The following PCDHA3 variants were observed in gnomAD, a reference collection of about 807,000 sequenced individuals.
PCDHA3 encodes the protein protocadherin alpha 3, also known as protocadherin alpha-3.
Under a neutral mutation model 62.2 loss-of-function variants are expected in PCDHA3, and 41 were observed. The observed-to-expected ratio is 0.66, with a 90% CI of 0.51 to 0.86. The LOEUF (loss-of-function observed/expected upper bound fraction) is 0.86. PCDHA3 is among the 40% of genes least tolerant of loss of function. The probability of loss-of-function intolerance (pLI) is 0.00; values close to 1 mark genes in which losing one functional copy is unlikely to be tolerated. For synonymous variants in PCDHA3, 640 were observed against 555.4 expected, an observed-to-expected ratio of 1.15 and a Z score of -2.14; for missense variants, 1,304 against 1,241.2, an observed-to-expected ratio of 1.05 and a Z score of -0.76.
rs142047105 is a variant in PCDHA3, at chr5:140,842,697, A to T, written c.2394+39106A>T. 6.3e-6 allele frequency: 10 copies of T among 1,595,144 alleles called. 2 individuals are homozygous for T. The highest frequency in any genetic ancestry group is 8.6e-6 in the Non-Finnish European group (10 of 1,165,510). On this transcript the variant is annotated intron_variant, in intron 1 of 3. Transcript: ENST00000522353. ...AATGCTCCGGCGTTCGCGCAGCCCG[A>T]GTACACGGTGTTCGTGAAGGAGAAC... is the stretch of plus-strand genomic sequence containing the variant.
intron 3 of PCDHA3, among the ~76,000 whole-genome samples, chr5:141,007,992 C>T (rs1215200964): frequency 1.3e-5 from 2 of 152,132 alleles, no homozygotes; most frequent in Admixed American, 6.5e-5. Context: ...ATGAAATGTA[C>T]ATGTTAATAA....
intron 1 of PCDHA3, chr5:140,862,689 C>A: frequency 7.2e-6 from 4 of 554,298 alleles, no homozygotes; most frequent in South Asian, 4.1e-5. Context: ...TGGTGTCCTA[C>A]TCGTTGATGG....
intron 3 of PCDHA3, among the ~76,000 whole-genome samples, chr5:141,007,395 C>CAAAAAAAAAAAAAAAAAA (rs35800918): frequency 1.1e-5 from 1 of 94,866 alleles, no homozygotes; most frequent in African/African-American, 4.3e-5. Context: ...TACTAAAATA[C>CAAAAAAAAAAAAAAAAAA]AAAAAAAAAA....
At chr5:140,839,920 T>G (rs1182223530) in intron 1 of PCDHA3, among the ~76,000 whole-genome samples, 1 of 151,984 alleles carries the variant, frequency 6.6e-6, no homozygotes, top group Non-Finnish European at 1.5e-5. Context: ...AGAAAAACCT[T>G]GAACAAAGAG....
Position 140,801,880 on chromosome 5 carries a change from T to TA in PCDHA3, c.686dup (p.Ile230AspfsTer14). The TA allele has an allele frequency of 6.2e-7, 1 of 1,614,148 alleles. No homozygotes were observed. The highest frequency in any genetic ancestry group is 8.5e-7 in the Non-Finnish European group (1 of 1,180,034). On this transcript the variant is annotated frameshift_variant, in exon 1 of 4. Transcript: ENST00000522353. LOFTEE classifies it high-confidence loss of function. Reference sequence around the variant, plus strand: ...CCAGAGCTCACTGGCACGACTCAACTAAAGATCACTGTTTTAGATGTAAAC... The same window carrying TA: ...CCAGAGCTCACTGGCACGACTCAACTAAAAGATCACTGTTTTAGATGTAAAC...
intron 1 of PCDHA3, among the ~76,000 whole-genome samples, chr5:140,887,278 A>G (rs782205714): frequency 5.9e-5 from 9 of 151,950 alleles, no homozygotes; most frequent in Non-Finnish European, 8.8e-5. Flanking sequence ...TTGTATTTTT[A>G]GTAGAGATGG....
chr5:140,943,274 A>AAAAG (rs1349019397), intron 1 of PCDHA3, among the ~76,000 whole-genome samples: 1 of 141,284 alleles, frequency 7.1e-6, no homozygotes, highest in Admixed American at 7.3e-5. Context: ...AAAAAAAAAA[A>AAAAG]AAAGAAAGAA....
At chr5:140,830,215 C>T in intron 1 of PCDHA3, 18 of 1,613,852 alleles carry the variant, frequency 1.1e-5, no homozygotes, top group Non-Finnish European at 1.4e-5. Flanking sequence ...GCGCGGTATC[C>T]AGCCTGCTGG....
At chr5:140,853,280 T>C in intron 1 of PCDHA3, 1 of 980,192 alleles carries the variant, frequency 1.0e-6, no homozygotes, top group South Asian at 4.8e-5. Context: ...TCTCATCATA[T>C]GCAAATTCTC....
chr5:140,950,694 T>C (rs1361506103), intron 1 of PCDHA3, among the ~76,000 whole-genome samples: 4 of 152,104 alleles, frequency 2.6e-5, no homozygotes, highest in African/African-American at 9.7e-5. Flanking sequence ...TAACCAAATT[T>C]GACAAATTTT....
At chr5:140,875,931 T>C in intron 1 of PCDHA3, 1 of 1,614,176 alleles carries the variant, frequency 6.2e-7, no homozygotes, top group South Asian at 1.1e-5. Flanking sequence ...CTCATTTTCC[T>C]CTAGAGGGCG....
chr5:140,842,993 G>A (rs2150349485), intron 1 of PCDHA3: 1 of 1,595,046 alleles, frequency 6.3e-7, no homozygotes. Context: ...CGTGCTGGAC[G>A]AGAATGACAA....
chr5:140,866,967 C>T (rs1315852276), intron 1 of PCDHA3: 7 of 152,134 alleles, frequency 4.6e-5, no homozygotes, highest in African/African-American at 1.7e-4. Context: ...ATGGTGACAT[C>T]TGAAATATCA....
intron 1 of PCDHA3, among the ~76,000 whole-genome samples, chr5:140,946,255 A>C (rs1554217419): frequency 6.6e-6 from 1 of 152,084 alleles, no homozygotes; most frequent in Non-Finnish European, 1.5e-5. Context: ...GAATCATCAG[A>C]AAAATGCGAA....
intron 1 of PCDHA3, among the ~76,000 whole-genome samples, chr5:140,938,135 A>T (rs926775458): frequency 1.3e-5 from 2 of 152,198 alleles, no homozygotes; most frequent in Non-Finnish European, 2.9e-5. Flanking sequence ...AAATAGAGAT[A>T]GAGTCTCACT....
chr5:140,988,707 G>A (rs2097310016), intron 3 of PCDHA3, among the ~76,000 whole-genome samples: 1 of 152,106 alleles, frequency 6.6e-6, no homozygotes, highest in African/African-American at 2.4e-5. Context: ...TATTTTCTTG[G>A]ACCTCTCATT....
intron 1 of PCDHA3, chr5:140,862,547 G>T: frequency 2.2e-6 from 1 of 455,636 alleles, no homozygotes; most frequent in South Asian, 1.7e-5. Context: ...CGTGGAAGTG[G>T]CCGAACAGTG....
At chr5:140,850,634 C>T (rs2150491694) in intron 1 of PCDHA3, 2 of 1,598,662 alleles carry the variant, frequency 1.3e-6, no homozygotes, top group South Asian at 1.1e-5. Flanking sequence ...TGTTGGTTCT[C>T]ACGCTGCTGC....
intron 1 of PCDHA3, among the ~76,000 whole-genome samples, chr5:140,844,486 G>T (rs1279388855): frequency 6.7e-6 from 1 of 148,992 alleles, no homozygotes; most frequent in Non-Finnish European, 1.5e-5. Context: ...CTATGTTTAG[G>T]AAATGATTAC....
Sources: gnomAD v4.1 joint callset for allele counts (sites outside exome capture counted in the v4.1 genomes callset) on GRCh38, gnomAD v4.1.1 for gene constraint, MANE v1.5 for transcripts, NCBI Gene and HGNC (gene_info 2026-07-23, HGNC 2026-07-21) for gene names.